Variants in ADAM33 observed in about 807,000 individuals in gnomAD.
ADAM33 encodes the protein disintegrin and metalloproteinase domain-containing protein 33.
A neutral mutation model predicts 106.2 loss-of-function variants in ADAM33; 103 were observed. That is an observed-to-expected ratio of 0.97 (90% CI 0.83 to 1.14). The LOEUF (loss-of-function observed/expected upper bound fraction) is 1.14. ADAM33 is among the 50% of genes most tolerant of loss of function. The probability of loss-of-function intolerance (pLI) is 0.00; values close to 1 mark genes in which losing one functional copy is unlikely to be tolerated. For synonymous variants in ADAM33, 483 were observed against 453.0 expected (o/e 1.07, Z -0.84); for missense variants, 1,120 against 1,096.6 (o/e 1.02, Z -0.30).
intron 18 of ADAM33, 24 bp from the exon 19 acceptor site, chr20:3,671,177 G>A (rs780237231): frequency 6.6e-5 from 107 of 1,612,992 alleles, no homozygotes; most frequent in Non-Finnish European, 7.8e-5. Flanking sequence ...GGGAAGGGGC[G>A]CTGAGTCCTG....
At chr20:3,669,407 G>A (rs756818519) in intron 20 of ADAM33, 37 bp from the exon 21 acceptor site, 6 of 1,587,030 alleles carry the variant, frequency 3.8e-6, no homozygotes, top group Admixed American at 1.9e-5. Flanking sequence ...TTGTGAATAT[G>A]GTCAGCAGGA....
intron 14 of ADAM33, 22 bp from the exon 15 acceptor site, chr20:3,672,007 T>C: frequency 6.4e-7 from 1 of 1,553,406 alleles, no homozygotes; most frequent in Non-Finnish European, 8.7e-7. Context: ...TGGGCCAGGC[T>C]GGGGGCAGCT....
chr20:3,669,493 T>C (rs1054853684), intron 20 of ADAM33, 53 bp downstream of exon 20: 7 of 1,545,840 alleles, frequency 4.5e-6, no homozygotes, highest in African/African-American at 1.4e-5. Context: ...GCAGGAGGCA[T>C]GAGCCCTTCC....
chr20:3,671,906 G>A lies in ADAM33; in HGVS notation c.1677C>T (p.Ser559=), dbSNP rs1323393175. The A allele has an allele frequency of 3.1e-5, 48 of 1,554,142 alleles. No homozygotes were observed. The highest frequency in any genetic ancestry group is 3.8e-5 in the Non-Finnish European group (44 of 1,148,376). The part of the protein sequence containing the change: ...GDAHGNCGQD[S]EGHFLPCAGR... ...CTGCACAGGGCAGGAAGTGGCCCTC[G>A]CTGTCCTGGCCGCAGTTTCCATGAG... The change falls in exon 15 of 22, where the codon AGC becomes AGT. Residue 559 remains serine, a synonymous_variant. Coordinates refer to ENST00000356518, the MANE Select transcript of ADAM33 (RefSeq NM_025220.5).
intron 1 of ADAM33, among the ~76,000 whole-genome samples, chr20:3,680,136 C>T (rs753146826): frequency 8.6e-5 from 13 of 152,020 alleles, no homozygotes; most frequent in Non-Finnish European, 1.6e-4. Flanking sequence ...GGGGAGGGGA[C>T]GCTTCTGGAC....
intron 15 of ADAM33, 36 bp from the exon 16 acceptor site, chr20:3,671,815 T>G (rs2087553705): frequency 6.4e-7 from 1 of 1,550,984 alleles, no homozygotes; most frequent in African/African-American, 1.4e-5. Context: ...ACAGCTGCAG[T>G]ACCCCCCTTC....
chr20:3,680,093 C>T (rs1600255792), intron 1 of ADAM33, among the ~76,000 whole-genome samples: 2 of 152,164 alleles, frequency 1.3e-5, no homozygotes, highest in Non-Finnish European at 1.5e-5. Context: ...GTTTTGGTAC[C>T]CTGGCCCAGA....
chr20:3,672,509 C>T (rs758111889), intron 13 of ADAM33, 28 bp downstream of exon 13: 2 of 1,607,054 alleles, frequency 1.2e-6, no homozygotes, highest in Non-Finnish European at 1.7e-6. Flanking sequence ...TCCCCGAAAC[C>T]CTCACCCTGA....
At position 3,671,510 on chromosome 20, in the gene ADAM33, A is replaced by G. The variant is rs748207421; in HGVS notation, c.1906-14T>C. The G allele has an allele frequency of 3.4e-5, 55 of 1,609,892 alleles. No individual in the cohort carries two copies. The highest frequency in any genetic ancestry group is 4.4e-5 in the Non-Finnish European group (52 of 1,177,456). On this transcript the variant is annotated splice_polypyrimidine_tract_variant and intron_variant, in intron 16 of 21. Coordinates refer to ENST00000356518, the MANE Select transcript of ADAM33 (RefSeq NM_025220.5). ...GCTCTGGCACACCTACGGGCAGTGC[A>G]CCAGGCAGTGAGGGGGACACTGGCC...
intron 9 of ADAM33, 30 bp downstream of exon 9, chr20:3,673,715 G>T (rs1055489065): frequency 3.6e-6 from 5 of 1,386,724 alleles, no homozygotes; most frequent in East Asian, 2.9e-5. Flanking sequence ...CGCCCCACCC[G>T]GGACCCGCGT....
chr20:3,673,456 GC>G lies in ADAM33; in HGVS notation c.1030del (p.Ala344ProfsTer125). The stretch of plus-strand genomic sequence containing the variant: ...GCCGAGGCTGTGGCCGATCTCATGG[GC>G]CATGGTGGCTGCGGCGCCGATGGGG... ...ELPIGAAATM[A>X]HEIGHSLGLS... On this transcript the variant is annotated frameshift_variant, in exon 11 of 22. Transcript: ENST00000356518. LOFTEE classifies it high-confidence loss of function. 6.4e-7 allele frequency: 1 copy of G among 1,559,978 alleles called. No homozygotes were observed.
Position 3,673,623 on chromosome 20 carries a change from G to A in ADAM33, c.941C>T (p.Ala314Val). Residue 314 changes from alanine (A) to valine (V), a missense_variant, in exon 10 of 22, where the codon GCG (alanine) becomes GTG (valine). Coordinates refer to ENST00000356518, the MANE Select transcript of ADAM33 (RefSeq NM_025220.5). ...RAFQGATVGL[A>V]PVEGMCRAES... ...GGCGCGGCACATGCCCTCGACGGGC[G>A]CCAGGCCCACTGTGGCGCCCTGGAA... 2 of 1,356,688 alleles carry A rather than the reference G, an allele frequency of 1.5e-6. No homozygotes were observed. Among genetic ancestry groups the A allele is most frequent in the Non-Finnish European group, 1.9e-6 (2 of 1,061,946 alleles). The allele number at this position is 1,356,688 out of a possible 1,614,324, so 84.0% of individuals were successfully genotyped here. A position where few individuals can be genotyped will look rare whatever the true frequency, so the allele number is the denominator to read the frequency against.
In ADAM33 at chr20:3,675,110, G is replaced by A. The variant is rs56108515; in HGVS notation, c.255-5C>T. ...TATCCTGGGGCCAGCAGCCTGCTGAGAGGGGGTGTTACAGGGAACACTGAA... is the reference window on the plus strand; with the variant it reads ...TATCCTGGGGCCAGCAGCCTGCTGAAAGGGGGTGTTACAGGGAACACTGAA... On this transcript the variant is annotated splice_region_variant and splice_polypyrimidine_tract_variant and intron_variant, in intron 3 of 21. Transcript: ENST00000356518. The surrounding 1 kb of genome is among the most constrained non-coding windows in gnomAD (Gnocchi z 4.1). The A allele has an allele frequency of 4.5e-4, 722 of 1,609,266 alleles. 4 individuals carry two copies. In the East Asian group the frequency reaches 0.01, roughly 23 times the overall value.
chr20:3,681,191 G>A (rs569579224), intron 1 of ADAM33, among the ~76,000 whole-genome samples: 2 of 152,310 alleles, frequency 1.3e-5, no homozygotes, highest in African/African-American at 2.4e-5. Context: ...GTGCAGGACT[G>A]GCTAATCCTC....
In ADAM33 at chr20:3,668,708, C is replaced by A; in HGVS notation, c.*255G>T. On this transcript the variant is annotated 3_prime_UTR_variant, in exon 22 of 22. Coordinates refer to ENST00000356518, the MANE Select transcript of ADAM33 (RefSeq NM_025220.5). ...TGAGGGAGGTCAGGGGCTGTGTGACCTTTGCTTCTGGGACTGATGGTTTAT... is the reference window on the plus strand; with the variant it reads ...TGAGGGAGGTCAGGGGCTGTGTGACATTTGCTTCTGGGACTGATGGTTTAT... 1 of 527,608 alleles carries A rather than the reference C, an allele frequency of 1.9e-6. No individual in the cohort carries two copies. Among genetic ancestry groups the A allele is most frequent in the South Asian group, 2.1e-5 (1 of 48,644 alleles). 32.7% of individuals were successfully genotyped at this position (527,608 alleles called of 1,614,324 possible).
At chr20:3,670,083 A>C in intron 19 of ADAM33, 1 of 266,548 alleles carries the variant, frequency 3.8e-6, no homozygotes, top group Non-Finnish European at 7.3e-6. Context: ...TGTTCCTTCA[A>C]AACATTCTCC....
Position 3,673,518 on chromosome 20 carries a change from G to C in ADAM33, c.991-22C>G, listed in dbSNP as rs555035529. 8.4e-5 allele frequency: 123 copies of C among 1,468,974 alleles called. No individual in the cohort carries two copies. In the East Asian group the frequency reaches 3.1e-3, roughly 36 times the overall value. The allele number at this position is 1,468,974 out of a possible 1,614,324, so 91.0% of individuals were successfully genotyped here. On this transcript the variant is annotated intron_variant, in intron 10 of 21. Coordinates refer to ENST00000356518, the MANE Select transcript of ADAM33 (RefSeq NM_025220.5). ...GGTCCTGGGGGGCCGTGGGAGGGCG[G>C]TCACTGCGGCCGTAGAGCCTCCTGT...
In ADAM33 at chr20:3,672,618, G is replaced by A. The variant is rs540063351; in HGVS notation, c.1320C>T (p.Arg440=). The A allele has an allele frequency of 4.3e-5, 69 of 1,613,464 alleles. No individual in the cohort carries two copies. The East Asian group carries it at 1.4e-3, about 33-fold the overall frequency. The change falls in exon 13 of 22, where the codon CGC becomes CGT. Residue 440 remains arginine, a synonymous_variant. Coordinates refer to ENST00000356518, the MANE Select transcript of ADAM33 (RefSeq NM_025220.5). ...AGTTGTGAGCAAAGCAGCAGAGGTC[G>A]CGGCACTCCTGGGACCAGAAAGGCA... is the stretch of plus-strand genomic sequence containing the variant. ...ECDCGPGQEC[R]DLCCFAHNCS...
At chr20:3,678,168 G>C (rs540445970) in intron 2 of ADAM33, among the ~76,000 whole-genome samples, 4 of 152,246 alleles carry the variant, frequency 2.6e-5, no homozygotes, top group Admixed American at 2.6e-4. Context: ...GGCCATACTC[G>C]AGGTCCCTGT....
Sources: allele counts gnomAD v4.1 joint callset (sites outside exome capture counted in the v4.1 genomes callset), GRCh38; gene constraint gnomAD v4.1.1; non-coding constraint Gnocchi (gnomAD v3.1); transcripts MANE v1.5; gene names NCBI Gene and HGNC (gene_info 2026-07-23, HGNC 2026-07-21).